The following COL24A1 variants were observed in gnomAD, a reference collection of about 807,000 sequenced individuals.
The protein encoded by COL24A1 is collagen type XXIV alpha 1 chain, also known as collagen alpha-1(XXIV) chain.
In COL24A1, 224 loss-of-function variants were observed where a neutral mutation model predicts 253.9. The observed-to-expected ratio is 0.88, with a 90% CI of 0.79 to 0.99. The LOEUF is 0.99. COL24A1 is among the 50% of genes least tolerant of loss of function. The pLI is 0.00. For missense variants in COL24A1, 2,131 were observed against 2,068.5 expected (o/e 1.03, Z -0.59); for synonymous variants, 685 against 673.7 (o/e 1.02, Z -0.26).
At chr1:86,066,231 CTTTT>C (rs71078637) in intron 7 of COL24A1, among the ~76,000 whole-genome samples, 37 of 85,546 alleles carry the variant, frequency 4.3e-4, no homozygotes, top group African/African-American at 1.8e-3. Context: ...CCTAAGTCTC[CTTTT>C]TTTTTTTTTT....
At chr1:85,780,230 T>C (rs1669010979) in intron 52 of COL24A1, among the ~76,000 whole-genome samples, 1 of 151,548 alleles carries the variant, frequency 6.6e-6, no homozygotes, top group Non-Finnish European at 1.5e-5. Context: ...TCTCTAAATT[T>C]ATCAAAGAGA....
intron 24 of COL24A1, among the ~76,000 whole-genome samples, chr1:85,912,926 A>C (rs917654264): frequency 1.9e-4 from 29 of 152,344 alleles, no homozygotes; most frequent in African/African-American, 6.3e-4. Context: ...ATATTGGTGT[A>C]AATGAAATAT....
At position 85,816,894 on chromosome 1, in the gene COL24A1, C is replaced by A; in HGVS notation, c.3845G>T (p.Gly1282Val). The A allele has an allele frequency of 6.2e-7, 1 of 1,607,190 alleles. No individual in the cohort carries two copies. Among genetic ancestry groups the A allele is most frequent in the Non-Finnish European group, 8.5e-7 (1 of 1,174,234 alleles). ...TTTTGGCCCAAGTAGGCCTTGAAGT[C>A]CCTTGATAATTAAAAATTATTTGGA... ...PGPSGKPGIP[G>V]LQGLLGPKGI... is the part of the protein sequence containing the mutation. The change falls in exon 47 of 60, where the codon GGA becomes GTA. Residue 1282 changes from glycine (G) to valine (V), a missense_variant and splice_region_variant. Gly to Val is a moderately radical substitution (Grantham distance 109). Coordinates refer to ENST00000370571, the MANE Select transcript of COL24A1 (RefSeq NM_152890.7).
intron 32 of COL24A1, among the ~76,000 whole-genome samples, chr1:85,877,697 T>C (rs1031498635): frequency 1.3e-5 from 2 of 152,242 alleles, no homozygotes; most frequent in African/African-American, 2.4e-5. Context: ...TACTAAGCTA[T>C]GCTTATATTA....
Position 85,842,082 on chromosome 1 carries a change from G to T in COL24A1, c.3556C>A (p.Pro1186Thr). The change falls in exon 41 of 60, where the codon CCT becomes ACT. Residue 1186 changes from proline to threonine, a missense_variant. Coordinates refer to ENST00000370571, the MANE Select transcript of COL24A1 (RefSeq NM_152890.7). The part of the protein sequence containing the change: ...GQPGPSGLPG[P>T]KGEKGYPGED... ...TATACACAAACCTTTTCTCCTTTAGGTCCTGGCAATCCAGAGGGTCCTGGT... is the reference window on the plus strand; with the variant it reads ...TATACACAAACCTTTTCTCCTTTAGTTCCTGGCAATCCAGAGGGTCCTGGT... The T allele has an allele frequency of 6.2e-7, 1 of 1,613,436 alleles. No individual in the cohort carries two copies. Among genetic ancestry groups the T allele is most frequent in the Non-Finnish European group, 8.5e-7 (1 of 1,179,660 alleles).
chr1:86,032,179 C>T (rs582622), intron 13 of COL24A1, among the ~76,000 whole-genome samples: 64,388 of 151,862 alleles, frequency 0.42, 14,269 homozygotes, highest in Middle Eastern at 0.64. Context: ...AGCAGAGTCC[C>T]CTCTGCCTCC....
chr1:86,152,147 G>A (rs1391215156), intron 1 of COL24A1, among the ~76,000 whole-genome samples: 2 of 152,184 alleles, frequency 1.3e-5, no homozygotes, highest in African/African-American at 4.8e-5. Context: ...AGGGAGCAAA[G>A]TAGTACTGTC....
chr1:86,116,919 T>G (rs1269640608), intron 3 of COL24A1, among the ~76,000 whole-genome samples: 1 of 94,562 alleles, frequency 1.1e-5, no homozygotes. Flanking sequence ...ATCACTAGCT[T>G]CCATCAAATC....
At chr1:85,891,404 A>G (rs766100020) in intron 31 of COL24A1, among the ~76,000 whole-genome samples, 1 of 152,120 alleles carries the variant, frequency 6.6e-6, no homozygotes, top group Admixed American at 6.5e-5. Flanking sequence ...AGGAAAGCTG[A>G]TAACTATACA....
At chr1:85,759,349 G>T (rs902518846) in intron 55 of COL24A1, among the ~76,000 whole-genome samples, 2 of 152,104 alleles carry the variant, frequency 1.3e-5, no homozygotes, top group African/African-American at 4.8e-5. Flanking sequence ...GAAAATAAAT[G>T]AGTATGAACA....
At chr1:85,783,838 A>G (rs1174272679) in intron 50 of COL24A1, among the ~76,000 whole-genome samples, 1 of 152,158 alleles carries the variant, frequency 6.6e-6, no homozygotes, top group East Asian at 1.9e-4. Context: ...TTTACTGTAA[A>G]ATTTTCTCAA....
chr1:86,081,891 G>C (rs1338918549), intron 7 of COL24A1, among the ~76,000 whole-genome samples: 1 of 152,096 alleles, frequency 6.6e-6, no homozygotes, highest in East Asian at 1.9e-4. Flanking sequence ...ATATAATGTT[G>C]AGAATTATTC....
chr1:85,738,872 G>T (rs1363789583), intron 57 of COL24A1, among the ~76,000 whole-genome samples: 1 of 152,134 alleles, frequency 6.6e-6, no homozygotes, highest in African/African-American at 2.4e-5. Context: ...CTGCAGCAGT[G>T]TTCAAACTTT....
chr1:86,013,724 T>A (rs1385749467), intron 19 of COL24A1, among the ~76,000 whole-genome samples: 1 of 152,112 alleles, frequency 6.6e-6, no homozygotes, highest in Non-Finnish European at 1.5e-5. Context: ...TAATCCCAGC[T>A]ACTTGGGAGG....
intron 7 of COL24A1, among the ~76,000 whole-genome samples, chr1:86,074,734 G>T (rs949844142): frequency 2.0e-5 from 3 of 152,060 alleles, no homozygotes; most frequent in South Asian, 2.1e-4. Context: ...AAATGCAAAA[G>T]AACAGAAATC....
intron 42 of COL24A1, among the ~76,000 whole-genome samples, chr1:85,840,049 A>G (rs72710914): frequency 0.024 from 3,585 of 152,274 alleles, 76 homozygotes; most frequent in Non-Finnish European, 0.036. Flanking sequence ...TGTCAACACT[A>G]CAATCTCTGA....
intron 46 of COL24A1, 63 bp downstream of exon 46, chr1:85,817,971 G>A: frequency 7.2e-7 from 1 of 1,385,722 alleles, no homozygotes; most frequent in Non-Finnish European, 1.0e-6. Flanking sequence ...AAACTTTTCT[G>A]CTTGCTAAAG....
At chr1:85,760,840 T>G (rs1666779340) in intron 55 of COL24A1, among the ~76,000 whole-genome samples, 1 of 151,888 alleles carries the variant, frequency 6.6e-6, no homozygotes, top group Non-Finnish European at 1.5e-5. Flanking sequence ...ATAAGGAAAA[T>G]CAAACTTAGA....
chr1:85,881,852 AT>A (rs888714340), intron 32 of COL24A1, among the ~76,000 whole-genome samples: 7 of 151,692 alleles, frequency 4.6e-5, no homozygotes, highest in Non-Finnish European at 1.0e-4. Context: ...ATTTCTGCTG[AT>A]TTTTATTACT....
Sources: gnomAD v4.1 joint callset for allele counts (sites outside exome capture counted in the v4.1 genomes callset) on GRCh38, gnomAD v4.1.1 for gene constraint, MANE v1.5 for transcripts, NCBI Gene and HGNC (gene_info 2026-07-23, HGNC 2026-07-21) for gene names.